Variants in LRP1B observed in about 807,000 individuals in gnomAD.
The protein encoded by LRP1B is low-density lipoprotein receptor-related protein 1B.
A neutral mutation model predicts 556.6 loss-of-function variants in LRP1B; 217 were observed. The observed-to-expected ratio is 0.39, with a 90% CI of 0.35 to 0.44. The LOEUF (loss-of-function observed/expected upper bound fraction) is 0.44, where lower values mean the gene tolerates loss of function less well. LRP1B is among the 20% of genes least tolerant of loss of function. LRP1B has a pLI of 1.00. For synonymous variants in LRP1B, 2,047 were observed against 1,865.8 expected, an observed-to-expected ratio of 1.10 and a Z score of -2.50; for missense variants, 5,053 against 5,620.8, an observed-to-expected ratio of 0.90 and a Z score of 3.23.
intron 51 of LRP1B, among the ~76,000 whole-genome samples, chr2:140,513,351 T>C: frequency 6.6e-6 from 1 of 152,058 alleles, no homozygotes; most frequent in East Asian, 1.9e-4. Context: ...GGCAGTTTAG[T>C]GTAGAGTTTA....
intron 3 of LRP1B, among the ~76,000 whole-genome samples, chr2:141,279,383 T>A (rs571511468): frequency 5.3e-5 from 8 of 152,202 alleles, no homozygotes; most frequent in South Asian, 4.1e-4. Flanking sequence ...TTTGGTTCTA[T>A]GGATTTTTGA....
chr2:140,307,775 ATAAG>A (rs1478521447), intron 83 of LRP1B, among the ~76,000 whole-genome samples: 1 of 151,770 alleles, frequency 6.6e-6, no homozygotes, highest in African/African-American at 2.4e-5. Flanking sequence ...TTCAGTGATA[ATAAG>A]TAATGTATTA....
chr2:140,409,377 C>T (rs559137137), intron 66 of LRP1B, among the ~76,000 whole-genome samples: 4 of 151,766 alleles, frequency 2.6e-5, no homozygotes, highest in South Asian at 4.1e-4. Flanking sequence ...ATGCATCTAA[C>T]GACAAGATAT....
chr2:141,848,217 A>G (rs1697720425), intron 1 of LRP1B, among the ~76,000 whole-genome samples: 1 of 151,634 alleles, frequency 6.6e-6, no homozygotes, highest in Admixed American at 6.6e-5. Context: ...CTATTCTGAA[A>G]CGCAGTATTT....
At chr2:141,704,359 C>T (rs1446509733) in intron 2 of LRP1B, among the ~76,000 whole-genome samples, 2 of 151,902 alleles carry the variant, frequency 1.3e-5, no homozygotes, top group Non-Finnish European at 2.9e-5. Context: ...AAAAGATCAA[C>T]TTGAAACACA....
intron 11 of LRP1B, among the ~76,000 whole-genome samples, chr2:141,047,354 C>T (rs1019763176): frequency 1.3e-5 from 2 of 151,964 alleles, no homozygotes; most frequent in South Asian, 2.1e-4. Flanking sequence ...TTTATTTTAG[C>T]ATAGAAAGTA....
In LRP1B at chr2:141,522,529, G is replaced by T. The variant is rs184589555; in HGVS notation, c.206-41996C>A. On this transcript the variant is annotated intron_variant, in intron 2 of 90. Transcript: ENST00000389484. ...AAGATCAGATCGTATCTATATCTTG[G>T]CCTGGAAGTATTTTACTTGTCTCTT... Among the ~76,000 whole-genome samples, 5 of 152,194 alleles carry T rather than the reference G, an allele frequency of 3.3e-5. No homozygotes were observed. The East Asian group carries it at 9.7e-4, about 30-fold the overall frequency.
chr2:140,284,513 A>C (rs1009590741), intron 84 of LRP1B, among the ~76,000 whole-genome samples: 1 of 151,592 alleles, frequency 6.6e-6, no homozygotes, highest in Non-Finnish European at 1.5e-5. Context: ...ATCTCACCTC[A>C]TCATAGTGAG....
chr2:141,332,626 T>C lies in LRP1B; in HGVS notation c.344-77985A>G, dbSNP rs116116684. Among the ~76,000 whole-genome samples the C allele has an allele frequency of 8.7e-3, 1,328 of 152,010 alleles. 13 individuals carry two copies. The highest frequency in any genetic ancestry group is 0.028 in the African/African-American group (1,156 of 41,504). On this transcript the variant is annotated intron_variant, in intron 3 of 90. Transcript: ENST00000389484. ...TCTGTCTGTTCACAGCATTCTTTTTTTTCTTGAAAATGGATGGGTCAAAGT... is the reference window on the plus strand; with the variant it reads ...TCTGTCTGTTCACAGCATTCTTTTTCTTCTTGAAAATGGATGGGTCAAAGT...
At chr2:141,232,440 C>A (rs59650755) in intron 5 of LRP1B, among the ~76,000 whole-genome samples, 18,397 of 152,128 alleles carry the variant, frequency 0.12, 1,624 homozygotes, top group East Asian at 0.32. Context: ...ATTTAGACAG[C>A]CATTTTTTGG....
chr2:141,211,001 T>C (rs2105251395), intron 6 of LRP1B, among the ~76,000 whole-genome samples: 1 of 152,222 alleles, frequency 6.6e-6, no homozygotes, highest in East Asian at 2.0e-4. Context: ...TATTATTTGT[T>C]TATTGAGAGG....
chr2:141,583,038 G>A (rs145620362), intron 2 of LRP1B, among the ~76,000 whole-genome samples: 4,052 of 151,766 alleles, frequency 0.027, 167 homozygotes, highest in African/African-American at 0.09. Context: ...GGGTTTCACC[G>A]TGTTAGCCAG....
At chr2:142,106,991 AT>A (rs1265080911) in intron 1 of LRP1B, among the ~76,000 whole-genome samples, 15 of 152,248 alleles carry the variant, frequency 9.9e-5, no homozygotes, top group African/African-American at 3.4e-4. Context: ...AAAGCTTCAT[AT>A]TTAAGACAAA....
intron 2 of LRP1B, among the ~76,000 whole-genome samples, chr2:141,732,150 G>C (rs904679216): frequency 7.2e-5 from 11 of 151,984 alleles, no homozygotes; most frequent in African/African-American, 2.7e-4. Flanking sequence ...TCTTACTAAG[G>C]AACGTCTGAA....
At chr2:141,690,530 AGAT>A (rs938206671) in intron 2 of LRP1B, among the ~76,000 whole-genome samples, 85 of 148,382 alleles carry the variant, frequency 5.7e-4, no homozygotes, top group Non-Finnish European at 1.2e-3. Context: ...TTCATATAGA[AGAT>A]GATCAGTTAC....
chr2:141,106,788 A>G (rs1394650212), intron 7 of LRP1B, among the ~76,000 whole-genome samples: 2 of 152,110 alleles, frequency 1.3e-5, no homozygotes, highest in African/African-American at 2.4e-5. Context: ...TTCCAATAAA[A>G]CTTTCTTTTT....
intron 2 of LRP1B, among the ~76,000 whole-genome samples, chr2:141,528,362 C>T (rs548464391): frequency 5.9e-5 from 9 of 151,968 alleles, no homozygotes; most frequent in South Asian, 2.1e-4. Context: ...AAGCATATCA[C>T]TACATTGCTA....
intron 2 of LRP1B, among the ~76,000 whole-genome samples, chr2:141,622,215 G>T (rs78984445): frequency 0.011 from 1,700 of 152,078 alleles, 19 homozygotes; most frequent in Middle Eastern, 0.017. Flanking sequence ...TATAGCAAGG[G>T]ATTTAACTAA....
Position 141,890,348 on chromosome 2 carries a change from A to ATATATG in LRP1B, c.83-79948_83-79947insCATATA, listed in dbSNP as rs1558942768. On this transcript the variant is annotated intron_variant, in intron 1 of 90. Transcript: ENST00000389484. ...CATATATATATATATATATATATAT[A>ATATATG]TATGTATTGTGCATATATATATATA... 2.1e-3 allele frequency among the ~76,000 whole-genome samples: 273 copies of ATATATG among 131,522 alleles called. 5 individuals are homozygous for ATATATG. The highest frequency in any genetic ancestry group is 7.4e-3 in the African/African-American group (257 of 34,730). The allele number at this position is 131,522 out of a possible 152,430, so 86.3% of individuals were successfully genotyped here.
Sources: allele counts gnomAD v4.1 joint callset (sites outside exome capture counted in the v4.1 genomes callset), GRCh38; gene constraint gnomAD v4.1.1; transcripts MANE v1.5; gene names NCBI Gene and HGNC (gene_info 2026-07-23, HGNC 2026-07-21).